Variants in OTUD7A observed in about 807,000 individuals in gnomAD.
OTUD7A encodes the protein OTU domain-containing protein 7A.
Under a neutral mutation model 65.7 loss-of-function variants are expected in OTUD7A, and 12 were observed. The ratio of observed to expected loss-of-function variants is 0.18; its 90% CI spans 0.12 to 0.30. The LOEUF (loss-of-function observed/expected upper bound fraction) is 0.30. Ranked by LOEUF, OTUD7A falls within the 10% of genes least tolerant of loss-of-function variation. The pLI, the probability that OTUD7A is intolerant of heterozygous loss-of-function variation, is 1.00. For missense variants in OTUD7A, 1,148 were observed against 1,304.8 expected (o/e 0.88, Z 1.85); for synonymous variants, 641 against 586.3 (o/e 1.09, Z -1.35).
rs1009498396 is a variant in OTUD7A at position 31,567,347 on chromosome 15, T to C, written c.331+2671A>G. Among the ~76,000 whole-genome samples, 11 of 152,184 alleles carry C rather than the reference T, an allele frequency of 7.2e-5. 1 individual carries two copies. Among genetic ancestry groups the C allele is most frequent in the African/African-American group, 2.7e-4 (11 of 41,442 alleles). On this transcript the variant is annotated intron_variant, in intron 4 of 12. Coordinates refer to ENST00000307050, the MANE Select transcript of OTUD7A (RefSeq NM_001382637.1). ...GAACTTGATGATTTAGGGTATGTGG[T>C]AGAAGAAATTTATAAGCAGCAAAGT...
intron 1 of OTUD7A, among the ~76,000 whole-genome samples, chr15:31,793,887 A>G (rs1341685455): frequency 6.6e-6 from 1 of 152,184 alleles, no homozygotes; most frequent in Non-Finnish European, 1.5e-5. Context: ...GGTATTCCAG[A>G]GATGGTCTCC....
At chr15:31,527,122 C>T (rs765982486) in intron 7 of OTUD7A, 59 bp downstream of exon 7, 46 of 1,604,052 alleles carry the variant, frequency 2.9e-5, no homozygotes, top group Admixed American at 1.0e-4. Flanking sequence ...GACTCGACCA[C>T]GGCCCGAGGC....
intron 1 of OTUD7A, among the ~76,000 whole-genome samples, chr15:31,859,030 A>T (rs1328339543): frequency 1.3e-5 from 2 of 152,192 alleles, no homozygotes; most frequent in Admixed American, 1.3e-4. Context: ...AAATTAGATA[A>T]TCTACACAAA....
At chr15:31,770,701 A>G (rs1401910701) in intron 1 of OTUD7A, among the ~76,000 whole-genome samples, 2 of 152,232 alleles carry the variant, frequency 1.3e-5, no homozygotes, top group Non-Finnish European at 2.9e-5. Flanking sequence ...ATTTAAAAAG[A>G]TACACCATGA....
chr15:31,861,773 C>T (rs185767829), intron 1 of OTUD7A, among the ~76,000 whole-genome samples: 123 of 152,324 alleles, frequency 8.1e-4, no homozygotes, highest in Admixed American at 4.3e-3. Flanking sequence ...TAGCTGCAGA[C>T]CCACAATGCC....
chr15:31,481,590 T>C lies in OTUD7A; in HGVS notation c.*1704A>G, dbSNP rs2041120230. The C allele has an allele frequency of 6.6e-6, 1 of 152,230 alleles. No individual in the cohort carries two copies. Among genetic ancestry groups the C allele is most frequent in the Non-Finnish European group, 1.5e-5 (1 of 68,040 alleles). 9.4% of individuals were successfully genotyped at this position (152,230 alleles called of 1,614,324 possible). ...CTTAAAGATCCTATTTAATAAATAA[T>C]TTTTGATTTAAGGAACCACTTATGC... On this transcript the variant is annotated 3_prime_UTR_variant, in exon 13 of 13. Transcript: ENST00000307050.
intron 1 of OTUD7A, among the ~76,000 whole-genome samples, chr15:31,716,261 TTATA>T (rs1893580460): frequency 7.8e-5 from 1 of 12,902 alleles, no homozygotes; most frequent in African/African-American, 9.1e-5. Flanking sequence ...TTTTATATAT[TTATA>T]TACATTATAT....
intron 1 of OTUD7A, among the ~76,000 whole-genome samples, chr15:31,857,152 C>A (rs773769608): frequency 5.9e-5 from 9 of 152,304 alleles, no homozygotes; most frequent in East Asian, 1.9e-4. Context: ...CAGCTCCTGG[C>A]CCAAACTTGC....
intron 3 of OTUD7A, among the ~76,000 whole-genome samples, chr15:31,606,275 C>G (rs766312244): frequency 6.6e-6 from 1 of 152,168 alleles, no homozygotes; most frequent in East Asian, 1.9e-4. Context: ...GGCAGGTATG[C>G]TTTAGCCTCA....
intron 1 of OTUD7A, among the ~76,000 whole-genome samples, chr15:31,863,418 T>C (rs1427582370): frequency 6.6e-6 from 1 of 152,222 alleles, no homozygotes; most frequent in Non-Finnish European, 1.5e-5. Flanking sequence ...AACTTTTACC[T>C]GGGCATCCAG....
intron 3 of OTUD7A, among the ~76,000 whole-genome samples, chr15:31,643,588 T>C (rs1182428024): frequency 6.6e-6 from 1 of 152,222 alleles, no homozygotes; most frequent in Non-Finnish European, 1.5e-5. Flanking sequence ...TGTCTGATAA[T>C]TTTAACATCT....
chr15:31,631,909 G>A (rs567044481), intron 3 of OTUD7A, among the ~76,000 whole-genome samples: 15 of 152,192 alleles, frequency 9.9e-5, no homozygotes, highest in Middle Eastern at 6.8e-3. Context: ...CATTCTTCAC[G>A]TAATTCTTGA....
At chr15:31,758,088 T>C (rs1894863873) in intron 1 of OTUD7A, among the ~76,000 whole-genome samples, 1 of 152,242 alleles carries the variant, frequency 6.6e-6, no homozygotes, top group South Asian at 2.1e-4. Context: ...TTACTTTTAA[T>C]GTTGACAAAT....
intron 5 of OTUD7A, among the ~76,000 whole-genome samples, chr15:31,542,299 A>T (rs61040512): frequency 0.062 from 9,418 of 152,178 alleles, 981 homozygotes; most frequent in African/African-American, 0.22. Context: ...TTTAAAATAC[A>T]CAAAAGAATT....
rs143257968 is a variant in OTUD7A at position 31,806,327 on chromosome 15, G to C, written c.-100+64180C>G. Among the ~76,000 whole-genome samples, 98 of 152,276 alleles carry C rather than the reference G, an allele frequency of 6.4e-4. No homozygotes were observed. The East Asian group carries it at 0.018, about 28-fold the overall frequency. On this transcript the variant is annotated intron_variant, in intron 1 of 12. Transcript: ENST00000307050. ...TTATGTGCCTTTCAGAAGTACATTT[G>C]CACTAATGAGAGATTCCTCATGAAT...
At chr15:31,863,370 T>C (rs1897795173) in intron 1 of OTUD7A, among the ~76,000 whole-genome samples, 1 of 152,206 alleles carries the variant, frequency 6.6e-6, no homozygotes. Flanking sequence ...TGCACTGCCA[T>C]AACAGAAGTT....
chr15:31,483,426 C>T lies in OTUD7A; in HGVS notation c.2670G>A (p.Pro890=), dbSNP rs2041167244. ...RSNGECGRGG[P]GPVQRRCQRE... ...GCTGGCAGCGCCGCTGCACCGGCCC[C>T]GGGCCGCCACGGCCGCACTCACCGT... The change falls in exon 13 of 13, where the codon CCG becomes CCA. Residue 890 remains proline, a synonymous_variant. Coordinates refer to ENST00000307050, the MANE Select transcript of OTUD7A (RefSeq NM_001382637.1). The T allele has an allele frequency of 7.3e-7, 1 of 1,371,260 alleles. No homozygotes were observed. The highest frequency in any genetic ancestry group is 9.4e-7 in the Non-Finnish European group (1 of 1,062,204). The allele number at this position is 1,371,260 out of a possible 1,614,324, so 84.9% of individuals were successfully genotyped here.
intron 8 of OTUD7A, among the ~76,000 whole-genome samples, chr15:31,515,789 C>G (rs563277341): frequency 6.6e-6 from 1 of 150,880 alleles, no homozygotes; most frequent in Non-Finnish European, 1.5e-5. Context: ...AACCACCCAT[C>G]CACCTGTCCA....
intron 1 of OTUD7A, among the ~76,000 whole-genome samples, chr15:31,832,874 C>T (rs1896969687): frequency 1.3e-5 from 2 of 152,178 alleles, no homozygotes; most frequent in South Asian, 2.1e-4. Flanking sequence ...TTGCTCCCAC[C>T]TTTTTGCTAC....
Sources: gnomAD v4.1 joint callset for allele counts (sites outside exome capture counted in the v4.1 genomes callset) on GRCh38, gnomAD v4.1.1 for gene constraint, MANE v1.5 for transcripts, NCBI Gene and HGNC (gene_info 2026-07-23, HGNC 2026-07-21) for gene names.